C1orf21: variants seen among roughly 807,000 people sequenced by gnomAD.
C1orf21 encodes chromosome 1 open reading frame 21.
C1orf21 carries 3 observed loss-of-function variants against 18.7 expected under a neutral mutation model. The observed-to-expected ratio is 0.16, with a 90% CI of 0.07 to 0.42. The LOEUF (loss-of-function observed/expected upper bound fraction) is 0.42, where lower values mean the gene tolerates loss of function less well. Ranked by LOEUF, C1orf21 falls within the 10% of genes least tolerant of loss-of-function variation. The pLI is 0.99. For synonymous variants in C1orf21, 41 were observed against 46.4 expected, an observed-to-expected ratio of 0.88 and a Z score of 0.47; for missense variants, 104 against 143.6, an observed-to-expected ratio of 0.72 and a Z score of 1.41.
intron 1 of C1orf21, among the ~76,000 whole-genome samples, chr1:184,447,829 A>G (rs558496874): frequency 2.0e-5 from 3 of 152,256 alleles, no homozygotes; most frequent in Admixed American, 2.0e-4. Flanking sequence ...TAACAAAAAA[A>G]TCTGGTCATT....
At chr1:184,558,562 C>T (rs1246194148) in intron 3 of C1orf21, among the ~76,000 whole-genome samples, 2 of 152,184 alleles carry the variant, frequency 1.3e-5, no homozygotes, top group Non-Finnish European at 2.9e-5. Context: ...AATATAGACT[C>T]CCTTTTCCAG....
chr1:184,555,637 A>AT (rs1553256193), intron 3 of C1orf21, among the ~76,000 whole-genome samples: 1 of 145,386 alleles, frequency 6.9e-6, no homozygotes, highest in Non-Finnish European at 1.5e-5. Context: ...TTGTGCCCCC[A>AT]TTTTTTTTCT....
chr1:184,571,844 A>T (rs1221495833), intron 3 of C1orf21, among the ~76,000 whole-genome samples: 5 of 152,218 alleles, frequency 3.3e-5, no homozygotes, highest in Non-Finnish European at 4.4e-5. Context: ...AAAGATGGAC[A>T]TGCAGAGTTT....
chr1:184,576,279 C>T (rs532315418), intron 3 of C1orf21, among the ~76,000 whole-genome samples: 1 of 152,290 alleles, frequency 6.6e-6, no homozygotes, highest in South Asian at 2.1e-4. Flanking sequence ...CATGCGCCAC[C>T]ACATCCAGCT....
chr1:184,575,998 G>T (rs1260650594), intron 3 of C1orf21, among the ~76,000 whole-genome samples: 1 of 152,192 alleles, frequency 6.6e-6, no homozygotes, highest in African/African-American at 2.4e-5. Context: ...ATGGGAGACG[G>T]GGACAGAGGG....
At chr1:184,522,672 T>G (rs1557993324) in intron 3 of C1orf21, among the ~76,000 whole-genome samples, 1 of 152,168 alleles carries the variant, frequency 6.6e-6, no homozygotes, top group Non-Finnish European at 1.5e-5. Flanking sequence ...GAATACAAAC[T>G]ATATACTTTA....
intron 2 of C1orf21, among the ~76,000 whole-genome samples, chr1:184,488,702 C>G (rs1002846170): frequency 6.6e-6 from 1 of 152,194 alleles, no homozygotes; most frequent in Admixed American, 6.5e-5. Flanking sequence ...CAGTGGCTCA[C>G]GCCTATAATC....
At chr1:184,516,215 A>G (rs2101967300) in intron 3 of C1orf21, among the ~76,000 whole-genome samples, 1 of 152,336 alleles carries the variant, frequency 6.6e-6, no homozygotes, top group African/African-American at 2.4e-5. Context: ...TTTTGATTTT[A>G]GTCTTATCTA....
rs369453584 is a variant in C1orf21 at position 184,396,374 on chromosome 1, CAGA to C, written c.-125+9012_-125+9014del. Among the ~76,000 whole-genome samples the C allele has an allele frequency of 4.6e-3, 699 of 152,040 alleles. 4 individuals are homozygous for C. The highest frequency in any genetic ancestry group is 0.015 in the African/African-American group (630 of 41,466). On this transcript the variant is annotated intron_variant, in intron 1 of 5. Transcript: ENST00000235307. ...ACTGAAAATGGAGAAAGGGGACAGA[CAGA>C]AGAAGGATTTAGGAAGCAGAACTGA... is the stretch of plus-strand genomic sequence containing the variant.
chr1:184,413,369 C>A (rs1469363198), intron 1 of C1orf21, among the ~76,000 whole-genome samples: 1 of 152,142 alleles, frequency 6.6e-6, no homozygotes, highest in Admixed American at 6.5e-5. Context: ...GCAGTCAGTT[C>A]TAGAATTTAT....
At chr1:184,537,531 C>G (rs1396736065) in intron 3 of C1orf21, among the ~76,000 whole-genome samples, 1 of 152,168 alleles carries the variant, frequency 6.6e-6, no homozygotes, top group East Asian at 1.9e-4. Flanking sequence ...ACACATTTTA[C>G]TTACATGTTC....
At chr1:184,541,826 G>T (rs931403335) in intron 3 of C1orf21, among the ~76,000 whole-genome samples, 1 of 152,184 alleles carries the variant, frequency 6.6e-6, no homozygotes, top group Non-Finnish European at 1.5e-5. Context: ...GGGGGATCAC[G>T]GACTGGCGTG....
intron 4 of C1orf21, among the ~76,000 whole-genome samples, chr1:184,594,993 C>T (rs1659493926): frequency 6.6e-6 from 1 of 152,076 alleles, no homozygotes; most frequent in African/African-American, 2.4e-5. Context: ...TATTGTCATC[C>T]CTAGTCCCAT....
intron 3 of C1orf21, among the ~76,000 whole-genome samples, chr1:184,525,392 T>C (rs558719083): frequency 3.0e-4 from 45 of 152,264 alleles, no homozygotes; most frequent in South Asian, 8.3e-4. Context: ...TTCCTTTCTT[T>C]GGTGACCTCT....
chr1:184,587,305 A>T, intron 3 of C1orf21, among the ~76,000 whole-genome samples: 1 of 135,422 alleles, frequency 7.4e-6, no homozygotes, highest in African/African-American at 2.8e-5. Context: ...ATTTTAAAAT[A>T]GTTTTATTCT....
intron 1 of C1orf21, among the ~76,000 whole-genome samples, chr1:184,398,231 C>T (rs956613109): frequency 5.9e-5 from 9 of 152,132 alleles, no homozygotes; most frequent in Non-Finnish European, 1.2e-4. Context: ...GCTGAGTACA[C>T]GACATGCACT....
intron 1 of C1orf21, among the ~76,000 whole-genome samples, chr1:184,430,824 A>C (rs1656749589): frequency 6.6e-6 from 1 of 152,236 alleles, no homozygotes; most frequent in African/African-American, 2.4e-5. Flanking sequence ...TCTGTGAAGA[A>C]AGTCAATGGC....
At chr1:184,431,940 C>A (rs1226157932) in intron 1 of C1orf21, among the ~76,000 whole-genome samples, 3 of 152,202 alleles carry the variant, frequency 2.0e-5, no homozygotes, top group African/African-American at 7.2e-5. Flanking sequence ...CATCACTGGT[C>A]ATTAGAGAAA....
At chr1:184,477,954 A>G (rs980980212) in intron 2 of C1orf21, among the ~76,000 whole-genome samples, 5 of 152,200 alleles carry the variant, frequency 3.3e-5, no homozygotes, top group Admixed American at 1.3e-4. Flanking sequence ...ATACCGTCTG[A>G]GGTGAAAGGG....
Sources: gnomAD v4.1 joint callset for allele counts (sites outside exome capture counted in the v4.1 genomes callset) on GRCh38, gnomAD v4.1.1 for gene constraint, MANE v1.5 for transcripts, NCBI Gene and HGNC (gene_info 2026-07-23, HGNC 2026-07-21) for gene names.